Variants in ST8SIA4 observed in about 807,000 individuals in gnomAD.
The protein encoded by ST8SIA4 is CMP-N-acetylneuraminate-poly-alpha-2,8-sialyltransferase.
ST8SIA4 carries 15 observed loss-of-function variants against 33.9 expected under a neutral mutation model. That is an observed-to-expected ratio of 0.44 (90% confidence interval 0.30 to 0.68). The LOEUF (loss-of-function observed/expected upper bound fraction) is 0.68, where lower values mean the gene tolerates loss of function less well. Ranked by LOEUF, ST8SIA4 falls within the 30% of genes least tolerant of loss-of-function variation. ST8SIA4 has a pLI of 0.10. For synonymous variants in ST8SIA4, 171 were observed against 151.2 expected, an observed-to-expected ratio of 1.13 and a Z score of -0.96; for missense variants, 321 against 428.0, an observed-to-expected ratio of 0.75 and a Z score of 2.21.
chr5:100,813,361 T>A (rs1301624779), intron 4 of ST8SIA4, among the ~76,000 whole-genome samples: 1 of 152,038 alleles, frequency 6.6e-6, no homozygotes, highest in Non-Finnish European at 1.5e-5. Context: ...CTTCTCTGAA[T>A]CAGGATTGGC....
rs187014544 is a variant in ST8SIA4 at position 100,853,311 on chromosome 5, G to T, written c.797+2792C>A. On this transcript the variant is annotated intron_variant, in intron 4 of 4. Transcript: ENST00000231461. ...TTCAATAAAATCCATAAATGAAGTT[G>T]CCTTTCACACGTACACCATGTGTAC... 1.1e-3 allele frequency among the ~76,000 whole-genome samples: 165 copies of T among 152,262 alleles called. 1 individual carries two copies. The highest frequency in any genetic ancestry group is 3.4e-3 in the Middle Eastern group (1 of 294).
chr5:100,877,501 GAAGA>G (rs1467707746), intron 3 of ST8SIA4, among the ~76,000 whole-genome samples: 1 of 152,258 alleles, frequency 6.6e-6, no homozygotes, highest in East Asian at 1.9e-4. Flanking sequence ...GAGTTGTAAG[GAAGA>G]AAGAAAGTCT....
intron 2 of ST8SIA4, among the ~76,000 whole-genome samples, chr5:100,892,594 TA>T (rs199739015): frequency 4.0e-5 from 6 of 151,266 alleles, no homozygotes; most frequent in Admixed American, 6.6e-5. Flanking sequence ...TCCACAAATG[TA>T]AAAAAAAATT....
At chr5:100,826,213 T>C (rs1041615929) in intron 4 of ST8SIA4, among the ~76,000 whole-genome samples, 2 of 152,190 alleles carry the variant, frequency 1.3e-5, no homozygotes, top group Non-Finnish European at 2.9e-5. Flanking sequence ...CCAGTATTTC[T>C]TGCCACACAC....
At chr5:100,864,444 G>A (rs956813203) in intron 3 of ST8SIA4, among the ~76,000 whole-genome samples, 2 of 151,706 alleles carry the variant, frequency 1.3e-5, no homozygotes, top group African/African-American at 2.4e-5. Flanking sequence ...GCATGGTGGC[G>A]GGCGCCTGCA....
intron 3 of ST8SIA4, among the ~76,000 whole-genome samples, chr5:100,859,001 C>T (rs1173117784): frequency 3.3e-5 from 5 of 151,984 alleles, no homozygotes; most frequent in Non-Finnish European, 5.9e-5. Context: ...AATACAATGT[C>T]CACATGTTGC....
intron 4 of ST8SIA4, among the ~76,000 whole-genome samples, chr5:100,822,093 T>C (rs1214948165): frequency 6.6e-6 from 1 of 152,242 alleles, no homozygotes; most frequent in East Asian, 1.9e-4. Context: ...TTTCAACTTT[T>C]AGCCCTGAAA....
chr5:100,829,822 G>T (rs1751214846), intron 4 of ST8SIA4, among the ~76,000 whole-genome samples: 1 of 151,758 alleles, frequency 6.6e-6, no homozygotes, highest in Non-Finnish European at 1.5e-5. Context: ...GCAGGAGAAT[G>T]GCGTGAACCC....
chr5:100,852,379 C>T (rs1414910723), intron 4 of ST8SIA4, among the ~76,000 whole-genome samples: 1 of 151,576 alleles, frequency 6.6e-6, no homozygotes, highest in East Asian at 1.9e-4. Flanking sequence ...ACCTTGGCCT[C>T]CCAAAGTGTT....
intron 3 of ST8SIA4, among the ~76,000 whole-genome samples, chr5:100,858,295 G>A (rs543465061): frequency 6.6e-6 from 1 of 152,110 alleles, no homozygotes; most frequent in African/African-American, 2.4e-5. Flanking sequence ...CAGTTAACAT[G>A]TTCCTGTTGG....
chr5:100,879,672 A>C (rs955607582), intron 3 of ST8SIA4, among the ~76,000 whole-genome samples: 2 of 152,186 alleles, frequency 1.3e-5, no homozygotes, highest in Non-Finnish European at 2.9e-5. Flanking sequence ...ACATTCTATA[A>C]ATTTGGAATT....
At chr5:100,878,926 C>T (rs541663316) in intron 3 of ST8SIA4, among the ~76,000 whole-genome samples, 2 of 152,224 alleles carry the variant, frequency 1.3e-5, no homozygotes, top group South Asian at 2.1e-4. Context: ...CCACATGTTT[C>T]GCTTGGTGAG....
chr5:100,834,919 AC>A (rs996977099), intron 4 of ST8SIA4, among the ~76,000 whole-genome samples: 1 of 152,106 alleles, frequency 6.6e-6, no homozygotes, highest in African/African-American at 2.4e-5. Context: ...TTTATAAATT[AC>A]CCAGCCTCAG....
At chr5:100,874,522 TCCCTCTCCTTTTCCCCTCTC>T (rs1026135074) in intron 3 of ST8SIA4, among the ~76,000 whole-genome samples, 5 of 151,958 alleles carry the variant, frequency 3.3e-5, no homozygotes, top group African/African-American at 1.2e-4. Flanking sequence ...TTCCTCTCTC[TCCCTCTCCTTTTCCCCTCTC>T]CCCTCTCTAT....
intron 4 of ST8SIA4, among the ~76,000 whole-genome samples, chr5:100,831,121 A>C (rs1751249723): frequency 6.6e-6 from 1 of 152,196 alleles, no homozygotes; most frequent in African/African-American, 2.4e-5. Context: ...TACATTATAT[A>C]ATTATATTTG....
intron 4 of ST8SIA4, chr5:100,849,550 G>T: frequency 1.4e-6 from 1 of 696,088 alleles, no homozygotes; most frequent in Non-Finnish European, 1.8e-6. Flanking sequence ...GGGAGGCTAA[G>T]GCGGATGGAT....
At chr5:100,824,626 C>A (rs1190187609) in intron 4 of ST8SIA4, among the ~76,000 whole-genome samples, 1 of 151,870 alleles carries the variant, frequency 6.6e-6, no homozygotes, top group Non-Finnish European at 1.5e-5. Context: ...TGTTATATAT[C>A]TCTAAGGAAT....
rs553930974 is a variant in ST8SIA4 at position 100,856,379 on chromosome 5, A to G, written c.521T>C (p.Val174Ala). The change falls in exon 4 of 5, where the codon GTG becomes GCG. Residue 174 changes from valine to alanine, a missense_variant. Physicochemically the swap from Val to Ala is moderately conservative, Grantham distance 64 (BLOSUM62 0). Transcript: ENST00000231461. ...NFVIRCNLAP[V>A]VEFAADVGTK... is the part of the protein sequence containing the mutation. ...TCCCACATCTGCAGCAAACTCCACC[A>G]CAGGAGCTAGATTACACCTGAAGAG... 1.2e-6 allele frequency: 2 copies of G among 1,613,748 alleles called. No individual in the cohort carries two copies. Among genetic ancestry groups the G allele is most frequent in the African/African-American group, 2.7e-5 (2 of 75,004 alleles).
chr5:100,839,837 C>A lies in ST8SIA4; in HGVS notation c.797+16266G>T, dbSNP rs556296869. On this transcript the variant is annotated intron_variant, in intron 4 of 4. Transcript: ENST00000231461. ...GTCTAAAGAGAGCTGCTCCTGGAAT[C>A]AGCAACTCTAACTGTGCCACTAACT... is the stretch of plus-strand genomic sequence containing the variant. Among the ~76,000 whole-genome samples the A allele has an allele frequency of 8.7e-4, 132 of 151,948 alleles. 1 individual carries two copies. The highest frequency in any genetic ancestry group is 3.0e-3 in the African/African-American group (126 of 41,514).
Sources: gnomAD v4.1 joint callset for allele counts (sites outside exome capture counted in the v4.1 genomes callset) on GRCh38, gnomAD v4.1.1 for gene constraint, MANE v1.5 for transcripts, NCBI Gene and HGNC (gene_info 2026-07-23, HGNC 2026-07-21) for gene names.